The following ZNF521 variants were observed in gnomAD, a reference collection of about 807,000 sequenced individuals.
ZNF521 encodes the protein zinc finger protein 521, also known as LYST-interacting protein 3.
In ZNF521, 14 loss-of-function variants were observed where a neutral mutation model predicts 105.5. The observed-to-expected ratio is 0.13, with a 90% confidence interval of 0.09 to 0.21. The LOEUF (loss-of-function observed/expected upper bound fraction) is 0.21, where lower values mean the gene tolerates loss of function less well. ZNF521 is among the 10% of genes least tolerant of loss of function. The probability of loss-of-function intolerance (pLI) is 1.00; values close to 1 mark genes in which losing one functional copy is unlikely to be tolerated. For missense variants in ZNF521, 1,233 were observed against 1,629.7 expected (o/e 0.76, Z 4.19); for synonymous variants, 635 against 606.0 (o/e 1.05, Z -0.70).
intron 3 of ZNF521, among the ~76,000 whole-genome samples, chr18:25,291,403 G>A (rs920353157): frequency 2.6e-5 from 4 of 152,146 alleles, no homozygotes; most frequent in African/African-American, 9.7e-5. Context: ...GTTTGAATGT[G>A]GCCATCTTAT....
At chr18:25,295,418 C>T (rs1911270827) in intron 3 of ZNF521, among the ~76,000 whole-genome samples, 1 of 152,046 alleles carries the variant, frequency 6.6e-6, no homozygotes, top group Non-Finnish European at 1.5e-5. Flanking sequence ...AACAGGATGA[C>T]TATAGTCAAA....
At chr18:25,229,864 A>G (rs1278860458) in intron 3 of ZNF521, among the ~76,000 whole-genome samples, 2 of 152,218 alleles carry the variant, frequency 1.3e-5, no homozygotes, top group African/African-American at 4.8e-5. Context: ...TTGAGCTTGA[A>G]AATTGAGCAA....
intron 3 of ZNF521, among the ~76,000 whole-genome samples, chr18:25,319,158 G>A (rs1013897586): frequency 2.0e-5 from 3 of 152,102 alleles, no homozygotes; most frequent in Admixed American, 6.5e-5. Context: ...AATACAATGA[G>A]AGTAATGAAT....
intron 3 of ZNF521, among the ~76,000 whole-genome samples, chr18:25,255,533 A>G (rs185331296): frequency 1.3e-5 from 2 of 152,196 alleles, no homozygotes; most frequent in East Asian, 3.9e-4. Flanking sequence ...TTTATTTCTG[A>G]TATAAAAGAA....
intron 3 of ZNF521, among the ~76,000 whole-genome samples, chr18:25,284,931 C>A (rs1218922108): frequency 2.6e-5 from 4 of 151,910 alleles, no homozygotes; most frequent in African/African-American, 7.3e-5. Flanking sequence ...CACACACACA[C>A]ACAGGGAGGC....
chr18:25,350,819 A>G, intron 2 of ZNF521, 88 bp downstream of exon 2: 2 of 1,441,276 alleles, frequency 1.4e-6, no homozygotes, highest in South Asian at 1.3e-5. Flanking sequence ...ACGCGCGCAC[A>G]CGCCTCGCAG....
At chr18:25,345,437 A>C (rs1914418242) in intron 2 of ZNF521, 1 of 152,220 alleles carries the variant, frequency 6.6e-6, no homozygotes, top group South Asian at 2.1e-4. Flanking sequence ...TCATTTTTAC[A>C]TGTATGCTTT....
chr18:25,314,121 A>G (rs1276212204), intron 3 of ZNF521, among the ~76,000 whole-genome samples: 4 of 152,180 alleles, frequency 2.6e-5, no homozygotes, highest in Non-Finnish European at 5.9e-5. Flanking sequence ...CCTAATTAAT[A>G]TGAACTAAAA....
At chr18:25,109,309 G>A (rs1002431584) in intron 5 of ZNF521, among the ~76,000 whole-genome samples, 2 of 152,188 alleles carry the variant, frequency 1.3e-5, no homozygotes, top group African/African-American at 4.8e-5. Context: ...TGGCTGCATA[G>A]TATTCCATGG....
At chr18:25,329,330 A>G (rs7236259) in intron 2 of ZNF521, among the ~76,000 whole-genome samples, 121,833 of 152,118 alleles carry the variant, frequency 0.8, 49,303 homozygotes, top group Non-Finnish European at 0.84. Context: ...ATGTTATTTC[A>G]TGACAAGGCC....
At chr18:25,133,676 C>G (rs1181230494) in intron 5 of ZNF521, among the ~76,000 whole-genome samples, 3 of 152,172 alleles carry the variant, frequency 2.0e-5, no homozygotes, top group Admixed American at 2.0e-4. Flanking sequence ...GTTTTACCTC[C>G]TGTTACCAAA....
At chr18:25,095,521 C>G (rs531074061) in intron 5 of ZNF521, among the ~76,000 whole-genome samples, 34 of 152,240 alleles carry the variant, frequency 2.2e-4, no homozygotes, top group Admixed American at 4.6e-4. Flanking sequence ...AACGAAACTT[C>G]TAGATTTTTC....
chr18:25,071,108 G>A (rs959926757), intron 7 of ZNF521, among the ~76,000 whole-genome samples: 1 of 152,176 alleles, frequency 6.6e-6, no homozygotes, highest in East Asian at 1.9e-4. Flanking sequence ...CCATGCTTGA[G>A]TATGCTACTT....
chr18:25,274,431 A>C (rs1270303868), intron 3 of ZNF521, among the ~76,000 whole-genome samples: 1 of 152,224 alleles, frequency 6.6e-6, no homozygotes, highest in Non-Finnish European at 1.5e-5. Context: ...CTGTTATCTA[A>C]ATACATAAAA....
intron 3 of ZNF521, among the ~76,000 whole-genome samples, chr18:25,239,151 C>T (rs7235974): frequency 0.036 from 5,518 of 152,224 alleles, 347 homozygotes; most frequent in African/African-American, 0.13. Context: ...CTTTGCCCTC[C>T]TATCCTTTAA....
chr18:25,258,010 C>A (rs151276256), intron 3 of ZNF521, among the ~76,000 whole-genome samples: 5 of 152,134 alleles, frequency 3.3e-5, no homozygotes, highest in East Asian at 1.9e-4. Context: ...AACAAAATTT[C>A]TTTTGGTTTA....
chr18:25,067,306 C>G (rs4800204), intron 7 of ZNF521, among the ~76,000 whole-genome samples: 1 of 151,972 alleles, frequency 6.6e-6, no homozygotes, highest in East Asian at 1.9e-4. Flanking sequence ...AGGGCCCCAT[C>G]TGGAAGGAGT....
chr18:25,309,652 A>ACC lies in ZNF521; in HGVS notation c.220+12355_220+12356insGG, dbSNP rs1600288572. Among the ~76,000 whole-genome samples, 19 of 152,336 alleles carry ACC rather than the reference A, an allele frequency of 1.2e-4. No homozygotes were observed. The East Asian group carries it at 3.7e-3, about 29-fold the overall frequency. ...GGTGAAAAGCAAATATTTTGCATAGAAAATAAAATTAGGTATAAGAAATAG... is the reference window on the plus strand; with the variant it reads ...GGTGAAAAGCAAATATTTTGCATAGACCAAATAAAATTAGGTATAAGAAATAG... On this transcript the variant is annotated intron_variant, in intron 3 of 7. Transcript: ENST00000361524.
chr18:25,225,215 C>A lies in ZNF521; in HGVS notation c.2703G>T (p.Leu901=). 6.2e-7 allele frequency: 1 copy of A among 1,614,140 alleles called. No individual in the cohort carries two copies. ...CGAAYTMETL[L]QNHQLRDHNI... ...TGTGGTCTCGGAGCTGGTGATTCTG[C>A]AGCAAAGTTTCCATAGTGTAGGCTG... Residue 901 remains leucine (L), a synonymous_variant, in exon 4 of 8, where the codon CTG becomes CTT. Transcript: ENST00000361524. This position sits in a 1 kb window ranked among gnomAD's most constrained non-coding sequence, Gnocchi z 5.6.
Sources: gnomAD v4.1 joint callset for allele counts (sites outside exome capture counted in the v4.1 genomes callset) on GRCh38, gnomAD v4.1.1 for gene constraint, Gnocchi (gnomAD v3.1) non-coding constraint, MANE v1.5 for transcripts, NCBI Gene and HGNC (gene_info 2026-07-23, HGNC 2026-07-21) for gene names.